Variants in PPARGC1A observed in about 807,000 individuals in gnomAD.
PPARGC1A encodes the protein peroxisome proliferator-activated receptor gamma coactivator 1-alpha.
In PPARGC1A, 25 loss-of-function variants were observed where a neutral mutation model predicts 88.7. The ratio of observed to expected loss-of-function variants is 0.28; its 90% confidence interval spans 0.21 to 0.39. The LOEUF is 0.39. Among genes scored for constraint, PPARGC1A ranks in the 10% least tolerant of loss-of-function variants. PPARGC1A has a pLI of 1.00. For missense variants in PPARGC1A, 880 were observed against 968.7 expected (o/e 0.91, Z 1.22); for synonymous variants, 363 against 355.6 (o/e 1.02, Z -0.24).
At chr4:24,067,614 G>C in the PPARGC1A span, among the ~76,000 whole-genome samples, 3 of 152,198 alleles carry the variant, frequency 2.0e-5, no homozygotes, top group Non-Finnish European at 4.4e-5. Flanking sequence ...GGAGGCACAG[G>C]TTTAGCTAGA....
At chr4:24,128,666 C>T in the PPARGC1A span, among the ~76,000 whole-genome samples, 3 of 151,624 alleles carry the variant, frequency 2.0e-5, no homozygotes, top group African/African-American at 7.3e-5. Flanking sequence ...TGATTTCTAC[C>T]TTTATTTCTT....
At chr4:23,988,060 G>C in the PPARGC1A span, among the ~76,000 whole-genome samples, 6 of 151,680 alleles carry the variant, frequency 4.0e-5, no homozygotes, top group Non-Finnish European at 7.4e-5. Flanking sequence ...TCTTGTGTTA[G>C]TTTGCTGAGA....
the PPARGC1A span, among the ~76,000 whole-genome samples, chr4:24,267,912 A>G: frequency 6.6e-6 from 1 of 152,138 alleles, no homozygotes; most frequent in Non-Finnish European, 1.5e-5. Context: ...CTTTGTGGTG[A>G]TCTAGCAATC....
chr4:24,203,375 C>T, the PPARGC1A span, among the ~76,000 whole-genome samples: 1 of 152,132 alleles, frequency 6.6e-6, no homozygotes, highest in African/African-American at 2.4e-5. Context: ...CCTGTCTCTA[C>T]TAAAAATATA....
chr4:23,923,832 T>C, the PPARGC1A span, among the ~76,000 whole-genome samples: 1 of 152,316 alleles, frequency 6.6e-6, no homozygotes, highest in African/African-American at 2.4e-5. Context: ...CCCTTAGTTC[T>C]CCCTCCACCC....
At chr4:24,266,616 G>A in the PPARGC1A span, among the ~76,000 whole-genome samples, 1 of 152,152 alleles carries the variant, frequency 6.6e-6, no homozygotes, top group African/African-American at 2.4e-5. Context: ...AAAAGGAAAA[G>A]GAGATGAGGT....
chr4:24,044,336 T>C, the PPARGC1A span, among the ~76,000 whole-genome samples: 1 of 152,182 alleles, frequency 6.6e-6, no homozygotes, highest in Non-Finnish European at 1.5e-5. Context: ...AGGGTCCGAT[T>C]CTAATCTGAG....
the PPARGC1A span, among the ~76,000 whole-genome samples, chr4:24,073,891 G>A: frequency 6.6e-6 from 1 of 152,258 alleles, no homozygotes; most frequent in South Asian, 2.1e-4. Flanking sequence ...TGAGCATGTG[G>A]TGGTGCAGGA....
At chr4:24,432,197 G>T in the PPARGC1A span, among the ~76,000 whole-genome samples, 1 of 152,198 alleles carries the variant, frequency 6.6e-6, no homozygotes, top group African/African-American at 2.4e-5. Context: ...TAGCGGTAAA[G>T]GTGGAAGGGG....
chr4:23,905,677 T>C (rs1228227231), upstream of PPARGC1A, among the ~76,000 whole-genome samples: 1 of 152,226 alleles, frequency 6.6e-6, no homozygotes, highest in East Asian at 1.9e-4. Context: ...CATTTAATCC[T>C]TACACTAACA....
At chr4:24,358,734 C>T in the PPARGC1A span, among the ~76,000 whole-genome samples, 4 of 152,336 alleles carry the variant, frequency 2.6e-5, no homozygotes, top group South Asian at 8.3e-4. Context: ...ACCCCAGTTC[C>T]CAGTTTCTCA....
chr4:24,161,932 C>T, the PPARGC1A span, among the ~76,000 whole-genome samples: 1 of 150,064 alleles, frequency 6.7e-6, no homozygotes, highest in Non-Finnish European at 1.5e-5. Context: ...AAATGCCCAT[C>T]TCAATGAGTG....
the PPARGC1A span, among the ~76,000 whole-genome samples, chr4:24,114,284 G>A: frequency 1.2e-4 from 19 of 152,236 alleles, no homozygotes; most frequent in South Asian, 2.1e-4. Flanking sequence ...ATCTTACAGC[G>A]GAAACTATAT....
At chr4:24,076,621 CTCTA>C in the PPARGC1A span, among the ~76,000 whole-genome samples, 1 of 152,092 alleles carries the variant, frequency 6.6e-6, no homozygotes, top group Non-Finnish European at 1.5e-5. Context: ...CAGCTAGGTG[CTCTA>C]TCTGTTTCTA....
At chr4:23,852,206 G>A (rs894216853) in intron 2 of PPARGC1A, among the ~76,000 whole-genome samples, 2 of 152,110 alleles carry the variant, frequency 1.3e-5, no homozygotes, top group Non-Finnish European at 2.9e-5. Flanking sequence ...AGGTCTTCAG[G>A]AGGAACCAGT....
the PPARGC1A span, among the ~76,000 whole-genome samples, chr4:24,406,811 G>A: frequency 6.6e-6 from 1 of 152,212 alleles, no homozygotes. Flanking sequence ...ATCTGTTTGA[G>A]ACCACATTGA....
chr4:23,937,628 C>G, the PPARGC1A span, among the ~76,000 whole-genome samples: 1 of 152,016 alleles, frequency 6.6e-6, no homozygotes, highest in Non-Finnish European at 1.5e-5. Context: ...TCTGCCTATC[C>G]TCAACAGGTC....
At chr4:24,117,869 T>C in the PPARGC1A span, among the ~76,000 whole-genome samples, 2 of 150,876 alleles carry the variant, frequency 1.3e-5, no homozygotes, top group Non-Finnish European at 2.9e-5. Flanking sequence ...GCATTTCTTA[T>C]ACAGTTCCTC....
At chr4:24,036,589 CAT>C in the PPARGC1A span, among the ~76,000 whole-genome samples, 2 of 148,888 alleles carry the variant, frequency 1.3e-5, no homozygotes, top group African/African-American at 2.5e-5. Context: ...TATGTAAGAA[CAT>C]AGAAAAATCT....
Sources: gnomAD v4.1 joint callset for allele counts (sites outside exome capture counted in the v4.1 genomes callset) on GRCh38, gnomAD v4.1.1 for gene constraint, MANE v1.5 for transcripts, NCBI Gene and HGNC (gene_info 2026-07-23, HGNC 2026-07-21) for gene names.